Variants in HSD17B12 observed in about 807,000 individuals in gnomAD.
HSD17B12 encodes the protein very-long-chain 3-oxoacyl-CoA reductase.
Under a neutral mutation model 39.3 loss-of-function variants are expected in HSD17B12, and 32 were observed. The observed-to-expected ratio is 0.81, with a 90% CI of 0.61 to 1.09. The LOEUF (loss-of-function observed/expected upper bound fraction) is 1.09. Among genes scored for constraint, HSD17B12 ranks in the 50% least tolerant of loss-of-function variants. The pLI is 0.00. For missense variants in HSD17B12, 342 were observed against 382.9 expected (o/e 0.89, Z 0.89); for synonymous variants, 150 against 146.7 (o/e 1.02, Z -0.16).
chr11:43,677,831 C>A (rs1009445974), upstream of HSD17B12, among the ~76,000 whole-genome samples: 1 of 152,148 alleles, frequency 6.6e-6, no homozygotes, highest in Admixed American at 6.6e-5. Flanking sequence ...TTTTGTTAAT[C>A]CAGTCTATCA....
the HSD17B12 span, among the ~76,000 whole-genome samples, chr11:43,640,242 T>C: frequency 6.6e-6 from 1 of 152,082 alleles, no homozygotes; most frequent in South Asian, 2.1e-4. Context: ...TCCCCCCCTC[T>C]AAAGTTTGAA....
intron 6 of HSD17B12, among the ~76,000 whole-genome samples, chr11:43,820,936 T>C (rs904978005): frequency 6.6e-6 from 1 of 152,214 alleles, no homozygotes; most frequent in African/African-American, 2.4e-5. Context: ...GTAGGTCAGA[T>C]GATTGTAAAA....
intron 3 of HSD17B12, among the ~76,000 whole-genome samples, chr11:43,791,288 T>C (rs998032346): frequency 6.6e-5 from 10 of 152,130 alleles, no homozygotes; most frequent in African/African-American, 2.4e-4. Context: ...TCCTAGCACT[T>C]TGGGAGGTCA....
At chr11:43,766,234 G>T (rs1360704924) in intron 3 of HSD17B12, among the ~76,000 whole-genome samples, 1 of 152,102 alleles carries the variant, frequency 6.6e-6, no homozygotes, top group Non-Finnish European at 1.5e-5. Context: ...TCAATTAGTA[G>T]ACTACTAATT....
the HSD17B12 span, among the ~76,000 whole-genome samples, chr11:43,625,174 C>T: frequency 5.3e-5 from 8 of 151,542 alleles, no homozygotes; most frequent in Admixed American, 3.3e-4. Context: ...AATAGGTTAA[C>T]AAAATATAAG....
chr11:43,816,911 C>CA (rs1951128839), intron 6 of HSD17B12, among the ~76,000 whole-genome samples: 1 of 151,664 alleles, frequency 6.6e-6, no homozygotes, highest in South Asian at 2.1e-4. Context: ...TAATAGTCTC[C>CA]AGTCTCATCC....
chr11:43,795,568 G>GTCC (rs1950908971), intron 3 of HSD17B12, among the ~76,000 whole-genome samples: 2 of 152,174 alleles, frequency 1.3e-5, no homozygotes, highest in Non-Finnish European at 2.9e-5. Context: ...GAGTCTGCTG[G>GTCC]ATTCTTCTGG....
At chr11:43,852,161 C>G (rs1170727701) in intron 9 of HSD17B12, 1 of 152,172 alleles carries the variant, frequency 6.6e-6, no homozygotes, top group African/African-American at 2.4e-5. Context: ...CATCTCTTGT[C>G]CCCACCCCTT....
chr11:43,598,895 A>G, the HSD17B12 span, among the ~76,000 whole-genome samples: 2 of 152,084 alleles, frequency 1.3e-5, no homozygotes, highest in African/African-American at 2.4e-5. Flanking sequence ...CATCTGCCCA[A>G]TGGTGTGTGT....
At chr11:43,578,699 G>T in the HSD17B12 span, among the ~76,000 whole-genome samples, 2 of 152,044 alleles carry the variant, frequency 1.3e-5, no homozygotes, top group Admixed American at 1.3e-4. Flanking sequence ...AAATAGGGGT[G>T]GGGGGAGCGG....
At chr11:43,609,184 C>T in the HSD17B12 span, among the ~76,000 whole-genome samples, 1 of 151,792 alleles carries the variant, frequency 6.6e-6, no homozygotes, top group Non-Finnish European at 1.5e-5. Flanking sequence ...AAGTGATCTG[C>T]CCACCTCGGC....
chr11:43,600,598 T>C, the HSD17B12 span, among the ~76,000 whole-genome samples: 1 of 152,192 alleles, frequency 6.6e-6, no homozygotes, highest in South Asian at 2.1e-4. Flanking sequence ...GTATGAGCTT[T>C]ACGTTCAGTA....
At chr11:43,678,995 G>C (rs1949716566), upstream of HSD17B12, among the ~76,000 whole-genome samples, 1 of 152,178 alleles carries the variant, frequency 6.6e-6, no homozygotes, top group Non-Finnish European at 1.5e-5. Context: ...GCTTGATGGG[G>C]ATGGCATTGA....
At chr11:43,744,488 T>C (rs982873868) in intron 1 of HSD17B12, among the ~76,000 whole-genome samples, 1 of 152,212 alleles carries the variant, frequency 6.6e-6, no homozygotes. Flanking sequence ...CTACTTAGAA[T>C]TCTATACCCA....
intron 1 of HSD17B12, among the ~76,000 whole-genome samples, chr11:43,705,301 A>G (rs1480725684): frequency 6.6e-6 from 1 of 152,238 alleles, no homozygotes; most frequent in East Asian, 1.9e-4. Context: ...GAGTAGAGGT[A>G]TGTGGGAATT....
intron 9 of HSD17B12, 48 bp from the exon 10 acceptor site, chr11:43,854,667 C>T: frequency 6.3e-7 from 1 of 1,599,294 alleles, no homozygotes; most frequent in Non-Finnish European, 8.6e-7. Flanking sequence ...GAGTTTGTGG[C>T]CTTACTAATC....
chr11:43,742,520 A>G (rs987608203), intron 1 of HSD17B12, among the ~76,000 whole-genome samples: 1 of 152,184 alleles, frequency 6.6e-6, no homozygotes, highest in African/African-American at 2.4e-5. Flanking sequence ...TTTGTTGAGT[A>G]GGACTTTTTC....
chr11:43,680,975 G>A lies in HSD17B12; in HGVS notation c.148G>A (p.Gly50Arg). ...TGAGGCGGGGGTCGGCCCGGGGCTC[G>A]GAGAATGGGCAGGTGAGTCGGATGC... ...GNEAGVGPGL[G>R]EWAVVTGSTD... Residue 50 changes from glycine (G) to arginine (R), a missense_variant, in exon 1 of 11, where the codon GGA (glycine) becomes AGA (arginine). Physicochemically the swap from Gly to Arg is moderately radical, Grantham distance 125. Coordinates refer to ENST00000278353, the MANE Select transcript of HSD17B12 (RefSeq NM_016142.3). 6.2e-7 allele frequency: 1 copy of A among 1,604,438 alleles called. No homozygotes were observed. Among genetic ancestry groups the A allele is most frequent in the Non-Finnish European group, 8.5e-7 (1 of 1,174,128 alleles).
chr11:43,676,026 C>T (rs984443145), upstream of HSD17B12, among the ~76,000 whole-genome samples: 1 of 152,012 alleles, frequency 6.6e-6, no homozygotes, highest in African/African-American at 2.4e-5. Flanking sequence ...GAAGGAGAAT[C>T]ACTTGAACCT....
Sources: gnomAD v4.1 joint callset for allele counts (sites outside exome capture counted in the v4.1 genomes callset) on GRCh38, gnomAD v4.1.1 for gene constraint, MANE v1.5 for transcripts, NCBI Gene and HGNC (gene_info 2026-07-23, HGNC 2026-07-21) for gene names.